PHF24: variants seen among roughly 807,000 people sequenced by gnomAD.
The protein encoded by PHF24 is PHD finger protein 24.
In PHF24, 25 loss-of-function variants were observed where a neutral mutation model predicts 42.6. That is an observed-to-expected ratio of 0.59 (90% CI 0.43 to 0.82). The LOEUF (loss-of-function observed/expected upper bound fraction) is 0.82, where lower values mean the gene tolerates loss of function less well. Among genes scored for constraint, PHF24 ranks in the 40% least tolerant of loss-of-function variants. The probability of loss-of-function intolerance (pLI) is 0.00; values close to 1 mark genes in which losing one functional copy is unlikely to be tolerated. For missense variants in PHF24, 470 were observed against 538.1 expected (o/e 0.87, Z 1.25); for synonymous variants, 185 against 204.8 (o/e 0.90, Z 0.83).
At chr9:34,805,973 G>C in the PHF24 span, among the ~76,000 whole-genome samples, 1 of 152,112 alleles carries the variant, frequency 6.6e-6, no homozygotes, top group Non-Finnish European at 1.5e-5. Flanking sequence ...TTTCATTGTT[G>C]TTGTATTTTC....
At chr9:34,976,500 G>A (rs910135170) in intron 4 of PHF24, 35 bp from the exon 5 acceptor site, 15 of 1,589,914 alleles carry the variant, frequency 9.4e-6, no homozygotes, top group African/African-American at 1.3e-5. Flanking sequence ...GGCTGAGGAA[G>A]GATGGGCATG....
chr9:34,756,331 T>C, the PHF24 span, among the ~76,000 whole-genome samples: 12 of 152,258 alleles, frequency 7.9e-5, 1 homozygote, highest in South Asian at 2.3e-3. Flanking sequence ...ACTCCCGACC[T>C]CAGGTGATCC....
the PHF24 span, among the ~76,000 whole-genome samples, chr9:34,735,856 A>G: frequency 6.6e-6 from 1 of 152,112 alleles, no homozygotes; most frequent in Non-Finnish European, 1.5e-5. Flanking sequence ...TATATGATAC[A>G]TATATTGGAA....
At chr9:34,713,268 A>G in the PHF24 span, among the ~76,000 whole-genome samples, 2 of 152,184 alleles carry the variant, frequency 1.3e-5, no homozygotes, top group African/African-American at 4.8e-5. Context: ...GCTCAGGAAG[A>G]TCCTGAAGCC....
chr9:34,738,043 T>C, the PHF24 span, among the ~76,000 whole-genome samples: 1 of 150,860 alleles, frequency 6.6e-6, no homozygotes, highest in Non-Finnish European at 1.5e-5. Flanking sequence ...AGAGACTACA[T>C]AGAAATAGAG....
chr9:34,856,828 C>CA, the PHF24 span, among the ~76,000 whole-genome samples: 4 of 152,326 alleles, frequency 2.6e-5, no homozygotes, highest in Middle Eastern at 3.4e-3. Flanking sequence ...GCACTGACTG[C>CA]CTGGACTCTC....
At chr9:34,942,544 ATAT>A in the PHF24 span, among the ~76,000 whole-genome samples, 4 of 152,232 alleles carry the variant, frequency 2.6e-5, no homozygotes, top group African/African-American at 9.7e-5. Context: ...TCATCAAATT[ATAT>A]TATGACAGAG....
intron 5 of PHF24, 93 bp from the exon 6 acceptor site, chr9:34,976,987 GGGA>G: frequency 3.6e-6 from 5 of 1,373,032 alleles, no homozygotes; most frequent in Non-Finnish European, 4.9e-6. Flanking sequence ...CAGCTTCTAA[GGGA>G]GGTTGCAAAG....
chr9:34,934,063 A>C, the PHF24 span, among the ~76,000 whole-genome samples: 2 of 152,150 alleles, frequency 1.3e-5, no homozygotes, highest in African/African-American at 4.8e-5. Flanking sequence ...CAAAGCACTA[A>C]ACCATCTTCA....
At chr9:34,915,026 C>CTTTTTT in the PHF24 span, among the ~76,000 whole-genome samples, 43 of 37,430 alleles carry the variant, frequency 1.1e-3, no homozygotes, top group South Asian at 2.5e-3. Flanking sequence ...TTTTTCTTTT[C>CTTTTTT]TTTTTTTTTT....
the PHF24 span, among the ~76,000 whole-genome samples, chr9:34,719,277 G>GATCC: frequency 6.6e-6 from 1 of 152,188 alleles, no homozygotes; most frequent in Non-Finnish European, 1.5e-5. Flanking sequence ...GACCTCAAGT[G>GATCC]ATCCACCCGC....
the PHF24 span, among the ~76,000 whole-genome samples, chr9:34,825,073 T>C: frequency 6.6e-6 from 1 of 152,090 alleles, no homozygotes; most frequent in Non-Finnish European, 1.5e-5. Context: ...TCATGTCTTG[T>C]GTAAGGGTTT....
chr9:34,709,211 C>G, the PHF24 span: 9 of 750,548 alleles, frequency 1.2e-5, no homozygotes, highest in Non-Finnish European at 1.8e-5. Context: ...GGCAGCTCAG[C>G]CATGCAGGGT....
intron 3 of PHF24, among the ~76,000 whole-genome samples, chr9:34,974,266 G>A (rs1163251852): frequency 1.3e-5 from 2 of 152,166 alleles, no homozygotes; most frequent in African/African-American, 4.8e-5. Flanking sequence ...CTGCAGAACT[G>A]TTGCTTCCTA....
the PHF24 span, among the ~76,000 whole-genome samples, chr9:34,798,422 G>A: frequency 2.6e-5 from 4 of 152,084 alleles, no homozygotes; most frequent in Admixed American, 6.5e-5. Context: ...TTGTCTGTGT[G>A]TACTCAATGT....
At chr9:34,940,401 T>TAA in the PHF24 span, among the ~76,000 whole-genome samples, 11 of 140,024 alleles carry the variant, frequency 7.9e-5, no homozygotes, top group African/African-American at 1.8e-4. Context: ...TTGTTTTCTC[T>TAA]AAAAAAAAAA....
the PHF24 span, among the ~76,000 whole-genome samples, chr9:34,719,651 A>G: frequency 2.0e-5 from 3 of 152,126 alleles, no homozygotes; most frequent in African/African-American, 4.8e-5. Flanking sequence ...GTAGGGAACC[A>G]TGGGAGGGAC....
chr9:34,937,314 T>C, the PHF24 span, among the ~76,000 whole-genome samples: 1 of 152,174 alleles, frequency 6.6e-6, no homozygotes, highest in Non-Finnish European at 1.5e-5. Context: ...AGAAAAATTG[T>C]TCTGTCTTGG....
At chr9:34,952,487 G>A in the PHF24 span, among the ~76,000 whole-genome samples, 1 of 152,058 alleles carries the variant, frequency 6.6e-6, no homozygotes, top group East Asian at 1.9e-4. Context: ...ATGCCACCAG[G>A]ATTTTTTAAT....
Sources: gnomAD v4.1 joint callset for allele counts (sites outside exome capture counted in the v4.1 genomes callset) on GRCh38, gnomAD v4.1.1 for gene constraint, MANE v1.5 for transcripts, NCBI Gene and HGNC (gene_info 2026-07-23, HGNC 2026-07-21) for gene names.